CCNY: variants seen among roughly 807,000 people sequenced by gnomAD.
CCNY encodes cyclin Y.
A neutral mutation model predicts 42.8 loss-of-function variants in CCNY; 19 were observed. The ratio of observed to expected loss-of-function variants is 0.44; its 90% CI spans 0.31 to 0.65. CCNY has a LOEUF of 0.65. Ranked by LOEUF, CCNY falls within the 30% of genes least tolerant of loss-of-function variation. The pLI is 0.07. For missense variants in CCNY, 370 were observed against 437.3 expected (o/e 0.85, Z 1.37); for synonymous variants, 165 against 162.7 (o/e 1.01, Z -0.11).
chr10:35,340,505 T>C (rs1309091990), intron 1 of CCNY, among the ~76,000 whole-genome samples: 1 of 135,970 alleles, frequency 7.4e-6, no homozygotes, highest in Admixed American at 7.4e-5. Context: ...AACTTCATTC[T>C]TTTTTTTTTT....
intron 3 of CCNY, among the ~76,000 whole-genome samples, chr10:35,281,540 G>C (rs1253520030): frequency 6.6e-6 from 1 of 152,018 alleles, no homozygotes; most frequent in Non-Finnish European, 1.5e-5. Context: ...CTGACCTCAT[G>C]ATCCACCTGC....
intron 3 of CCNY, among the ~76,000 whole-genome samples, chr10:35,501,945 C>T (rs954844632): frequency 1.3e-5 from 2 of 152,254 alleles, no homozygotes; most frequent in African/African-American, 4.8e-5. Context: ...TGTCTCCACA[C>T]TTGACTCTTC....
intron 3 of CCNY, among the ~76,000 whole-genome samples, chr10:35,318,214 CA>C (rs1156316847): frequency 6.6e-6 from 1 of 151,708 alleles, no homozygotes; most frequent in Admixed American, 6.6e-5. Flanking sequence ...GGTGACAGAG[CA>C]GACCCTATTT....
At chr10:35,358,464 T>C (rs1471655428) in intron 1 of CCNY, among the ~76,000 whole-genome samples, 1 of 152,232 alleles carries the variant, frequency 6.6e-6, no homozygotes, top group African/African-American at 2.4e-5. Context: ...CAGACTGTAC[T>C]GCATATAGGA....
chr10:35,302,155 G>A (rs991697234), intron 3 of CCNY, among the ~76,000 whole-genome samples: 1 of 150,586 alleles, frequency 6.6e-6, no homozygotes, highest in African/African-American at 2.4e-5. Context: ...TAGAGATGGG[G>A]TTTTGCCATG....
intron 1 of CCNY, among the ~76,000 whole-genome samples, chr10:35,398,217 G>C (rs912581347): frequency 2.0e-5 from 3 of 152,234 alleles, no homozygotes; most frequent in Non-Finnish European, 4.4e-5. Flanking sequence ...TGTGGGCAGA[G>C]CTGGCCCTCC....
intron 8 of CCNY, among the ~76,000 whole-genome samples, chr10:35,555,761 A>T (rs1484191970): frequency 5.9e-5 from 9 of 152,212 alleles, no homozygotes; most frequent in Admixed American, 5.9e-4. Flanking sequence ...CTACACAGAG[A>T]AGTTAAAACA....
chr10:35,257,154 T>G (rs531022935), intron 3 of CCNY, among the ~76,000 whole-genome samples: 1 of 152,250 alleles, frequency 6.6e-6, no homozygotes, highest in South Asian at 2.1e-4. Flanking sequence ...TTCTTGAGCA[T>G]TTATTGTGGG....
intron 7 of CCNY, among the ~76,000 whole-genome samples, chr10:35,549,617 C>T (rs1841202905): frequency 7.2e-6 from 1 of 139,796 alleles, no homozygotes; most frequent in African/African-American, 2.8e-5. Context: ...GCTCATGACA[C>T]ATGACCCTAC....
intron 3 of CCNY, among the ~76,000 whole-genome samples, chr10:35,320,639 C>A (rs1164609533): frequency 6.6e-6 from 1 of 152,018 alleles, no homozygotes; most frequent in African/African-American, 2.4e-5. Context: ...AAGAAAAAGG[C>A]AAAGAAAACC....
At chr10:35,566,324 G>T in intron 9 of CCNY, 139 bp downstream of exon 9, 1 of 872,430 alleles carries the variant, frequency 1.1e-6, no homozygotes, top group South Asian at 1.8e-5. Flanking sequence ...ATATATAGCT[G>T]GGCAGTTGAT....
intron 1 of CCNY, among the ~76,000 whole-genome samples, chr10:35,465,350 C>T (rs1438096219): frequency 1.3e-5 from 2 of 152,148 alleles, no homozygotes; most frequent in African/African-American, 4.8e-5. Context: ...TCTGATCGTC[C>T]TAGGACCCAG....
chr10:35,462,198 A>G (rs977582142), intron 1 of CCNY, among the ~76,000 whole-genome samples: 1 of 152,216 alleles, frequency 6.6e-6, no homozygotes, highest in Non-Finnish European at 1.5e-5. Context: ...CTAAAGTAAC[A>G]TTGTGACACC....
chr10:35,493,975 C>T (rs1382513865), intron 2 of CCNY, among the ~76,000 whole-genome samples: 1 of 152,162 alleles, frequency 6.6e-6, no homozygotes, highest in African/African-American at 2.4e-5. Flanking sequence ...CACCTTGCAC[C>T]AGAACACTGG....
intron 1 of CCNY, among the ~76,000 whole-genome samples, chr10:35,350,782 T>C (rs1287422333): frequency 6.6e-6 from 1 of 152,214 alleles, no homozygotes; most frequent in East Asian, 1.9e-4. Context: ...GCACTGCTGC[T>C]GGATTGAGGA....
At chr10:35,322,843 T>G (rs1835836353) in intron 3 of CCNY, among the ~76,000 whole-genome samples, 1 of 152,206 alleles carries the variant, frequency 6.6e-6, no homozygotes, top group Admixed American at 6.6e-5. Flanking sequence ...TAGCAAGTAT[T>G]GGTGAGAATG....
At chr10:35,382,841 GTTA>G (rs1837217870) in intron 1 of CCNY, among the ~76,000 whole-genome samples, 3 of 152,140 alleles carry the variant, frequency 2.0e-5, no homozygotes, top group African/African-American at 7.2e-5. Context: ...TATAATTGTT[GTTA>G]TTATTATGAT....
At position 35,304,476 on chromosome 10, in the gene CCNY, A is replaced by AT. The variant is rs1202862813; in HGVS notation, c.-9+53857dup. Reference sequence around the variant, plus strand: ...AGGCGCCCGCCACTACGCCCGGCTAATTTTTTTGTATTTTTAGTAGAGACG... The same window carrying AT: ...AGGCGCCCGCCACTACGCCCGGCTAATTTTTTTTGTATTTTTAGTAGAGACG... On this transcript the variant is annotated intron_variant, in intron 3 of 11. Coordinates refer to the CCNY transcript ENST00000374706. Among the ~76,000 whole-genome samples the AT allele has an allele frequency of 7.6e-5, 8 of 105,910 alleles. 1 individual carries two copies. The highest frequency in any genetic ancestry group is 6.8e-4 in the South Asian group (2 of 2,956). 69.5% of individuals were successfully genotyped at this position (105,910 alleles called of 152,430 possible). A position where few individuals can be genotyped will look rare whatever the true frequency, so the allele number is the denominator to read the frequency against.
At chr10:35,478,951 G>A (rs1289199736) in intron 1 of CCNY, among the ~76,000 whole-genome samples, 8 of 152,138 alleles carry the variant, frequency 5.3e-5, no homozygotes, top group Non-Finnish European at 1.2e-4. Flanking sequence ...TGAAGGACAT[G>A]AACAGACACT....
Sources: allele counts gnomAD v4.1 joint callset (sites outside exome capture counted in the v4.1 genomes callset), GRCh38; gene constraint gnomAD v4.1.1; transcripts MANE v1.5; gene names NCBI Gene and HGNC (gene_info 2026-07-23, HGNC 2026-07-21).